The following CARHSP1 variants were observed in gnomAD, a reference collection of about 807,000 sequenced individuals.
CARHSP1 encodes the protein calcium regulated heat stable protein 1.
A neutral mutation model predicts 12.5 loss-of-function variants in CARHSP1; 14 were observed. The observed-to-expected ratio is 1.12, with a 90% CI of 0.74 to 1.75. CARHSP1 has a LOEUF of 1.75. Among genes scored for constraint, CARHSP1 ranks in the 40% most tolerant of loss-of-function variants. The pLI is 0.00. For missense variants in CARHSP1, 343 were observed against 201.6 expected (o/e 1.70, Z -4.25); for synonymous variants, 161 against 82.0 (o/e 1.96, Z -5.20).
In CARHSP1 at chr16:8,854,774, A is replaced by C. The variant is rs144436300; in HGVS notation, c.*390T>G. On this transcript the variant is annotated 3_prime_UTR_variant, in exon 4 of 4. Transcript: ENST00000311052. Reference sequence around the variant, plus strand: ...AGGCTGCCAGGGGGCCAGATCTGGGAATCTGGGGCCTCCAGCTCCAGGAGG... The same window carrying C: ...AGGCTGCCAGGGGGCCAGATCTGGGCATCTGGGGCCTCCAGCTCCAGGAGG... The C allele has an allele frequency of 5.1e-4, 82 of 162,082 alleles. No homozygotes were observed. Among genetic ancestry groups the C allele is most frequent in the African/African-American group, 1.9e-3 (79 of 41,940 alleles). 10.0% of individuals were successfully genotyped at this position (162,082 alleles called of 1,614,324 possible).
chr16:8,863,252 G>A (rs1351840969), intron 1 of CARHSP1, among the ~76,000 whole-genome samples: 1 of 150,406 alleles, frequency 6.6e-6, no homozygotes, highest in Non-Finnish European at 1.5e-5. Context: ...CTCCTGGGTT[G>A]TGGGACTACG....
At chr16:8,863,802 C>A (rs550918086) in intron 1 of CARHSP1, among the ~76,000 whole-genome samples, 1 of 152,340 alleles carries the variant, frequency 6.6e-6, no homozygotes, top group Admixed American at 6.5e-5. Context: ...GAAGCCAGCT[C>A]TGAGGCCCTG....
rs2061246754 is a variant in CARHSP1 at position 8,858,904 on chromosome 16, TG to T, written c.158+266del. On this transcript the variant is annotated intron_variant, in intron 2 of 3. Transcript: ENST00000311052. Reference sequence around the variant, plus strand: ...AGTCTCACAGGGAACCAGACTCTCATGTGTGGTTAAAGCCCAGCGATTCTGA... The same window carrying T: ...AGTCTCACAGGGAACCAGACTCTCATTGTGGTTAAAGCCCAGCGATTCTGA... 7 of 261,980 alleles carry T rather than the reference TG, an allele frequency of 2.7e-5. No individual in the cohort carries two copies. The South Asian group carries it at 4.5e-4, about 17-fold the overall frequency. The allele number at this position is 261,980 out of a possible 1,614,324, so 16.2% of individuals were successfully genotyped here. A position where few individuals can be genotyped will look rare whatever the true frequency, so the allele number is the denominator to read the frequency against.
At chr16:8,861,158 ATTTTTTTTTTTTTTTTTTTT>A (rs765114977) in intron 1 of CARHSP1, among the ~76,000 whole-genome samples, 13 of 51,268 alleles carry the variant, frequency 2.5e-4, no homozygotes, top group South Asian at 1.1e-3. Flanking sequence ...TCCATGCCTA[ATTTTTTTTTTTTTTTTTTTT>A]TTTTTTTTTT....
At chr16:8,860,280 G>C (rs1019353913) in intron 1 of CARHSP1, 1 of 982,998 alleles carries the variant, frequency 1.0e-6, no homozygotes, top group Non-Finnish European at 1.2e-6. Context: ...ATCAGGCCCA[G>C]TGAATTTCCA....
chr16:8,863,390 G>A (rs1357883239), intron 1 of CARHSP1, among the ~76,000 whole-genome samples: 1 of 152,194 alleles, frequency 6.6e-6, no homozygotes, highest in Admixed American at 6.5e-5. Flanking sequence ...TGGGATTACA[G>A]GCGTGAGCCA....
In CARHSP1 at chr16:8,857,269, T is replaced by TGTTTTTTTTG. The variant is rs756868301; in HGVS notation, c.281+1080_281+1081insCAAAAAAAAC. Among the ~76,000 whole-genome samples, 4 of 29,954 alleles carry TGTTTTTTTTG rather than the reference T, an allele frequency of 1.3e-4. 1 individual carries two copies. The highest frequency in any genetic ancestry group is 2.5e-4 in the Non-Finnish European group (4 of 15,924). The allele number at this position is 29,954 out of a possible 152,430, so 19.7% of individuals were successfully genotyped here. A position where few individuals can be genotyped will look rare whatever the true frequency, so the allele number is the denominator to read the frequency against. On this transcript the variant is annotated intron_variant, in intron 3 of 3. Transcript: ENST00000311052. ...TGTGATCTTGGGCAGATCTGTTTTT[T>TGTTTTTTTTG]TTTTTTTTTTTTTTTTTTTTTTTTT... is the stretch of plus-strand genomic sequence containing the variant.
chr16:8,861,657 G>A (rs768614629), intron 1 of CARHSP1: 53 of 1,289,108 alleles, frequency 4.1e-5, no homozygotes, highest in African/African-American at 1.8e-4. Context: ...GGAGGAGGTG[G>A]CATCCTACCT....
intron 3 of CARHSP1, among the ~76,000 whole-genome samples, chr16:8,855,681 G>C (rs546095735): frequency 6.6e-6 from 1 of 151,312 alleles, no homozygotes; most frequent in Non-Finnish European, 1.5e-5. Flanking sequence ...GAGAGCCAGA[G>C]AGAAACAAGG....
At chr16:8,861,132 C>G (rs1272593421) in intron 1 of CARHSP1, among the ~76,000 whole-genome samples, 1 of 140,272 alleles carries the variant, frequency 7.1e-6, no homozygotes, top group Non-Finnish European at 1.5e-5. Flanking sequence ...AATCACAGTT[C>G]ACTGTAGCCT....
chr16:8,856,353 ATGG>A (rs773872816), intron 3 of CARHSP1, among the ~76,000 whole-genome samples: 2 of 152,174 alleles, frequency 1.3e-5, no homozygotes, highest in Non-Finnish European at 2.9e-5. Flanking sequence ...GGAGAATCGT[ATGG>A]TGAAGAGTGT....
At chr16:8,860,317 G>A in intron 1 of CARHSP1, 2 of 985,180 alleles carry the variant, frequency 2.0e-6, no homozygotes, top group Middle Eastern at 5.2e-4. Context: ...ACGCTGTTAT[G>A]AAATCAAATT....
chr16:8,858,223 G>C (rs886128372), intron 3 of CARHSP1, 127 bp downstream of exon 3: 17 of 1,131,958 alleles, frequency 1.5e-5, no homozygotes, highest in African/African-American at 9.4e-5. Flanking sequence ...GCCACAGGCA[G>C]AGTCACACAG....
chr16:8,858,549 A>G, intron 2 of CARHSP1, 77 bp from the exon 3 acceptor site: 1 of 1,556,496 alleles, frequency 6.4e-7, no homozygotes, highest in Non-Finnish European at 8.7e-7. Flanking sequence ...CCCTGCCCAC[A>G]GCTGTGCCCC....
intron 3 of CARHSP1, 64 bp from the exon 4 acceptor site, chr16:8,855,390 C>A: frequency 7.3e-7 from 1 of 1,369,260 alleles, no homozygotes; most frequent in Non-Finnish European, 9.6e-7. Flanking sequence ...CCCCAAGACA[C>A]CAGCCACCCT....
In CARHSP1 at chr16:8,854,721, C is replaced by T. The variant is rs1256750734; in HGVS notation, c.*443G>A. On this transcript the variant is annotated 3_prime_UTR_variant, in exon 4 of 4. Transcript: ENST00000311052. ...AAGGGGCACTTAGGTGGAAATTTGC[C>T]TTGGAGAAGTCACGCAAGGTCCCTG... The T allele has an allele frequency of 6.5e-6, 1 of 154,522 alleles. No individual in the cohort carries two copies. The highest frequency in any genetic ancestry group is 1.4e-5 in the Non-Finnish European group (1 of 69,404). The allele number at this position is 154,522 out of a possible 1,614,324, so 9.6% of individuals were successfully genotyped here. A position where few individuals can be genotyped will look rare whatever the true frequency, so the allele number is the denominator to read the frequency against.
intron 3 of CARHSP1, among the ~76,000 whole-genome samples, chr16:8,857,272 T>TTTTGTTTTTTG (rs1567181151): frequency 0.023 from 674 of 29,298 alleles, 29 homozygotes; most frequent in Non-Finnish European, 0.038. Context: ...TGTTTTTTTT[T>TTTTGTTTTTTG]TTTTTTTTTT....
chr16:8,862,251 T>C lies in CARHSP1; in HGVS notation c.-7-2916A>G, dbSNP rs146044301. Among the ~76,000 whole-genome samples the C allele has an allele frequency of 4.7e-3, 712 of 152,140 alleles. 1 individual carries two copies. Among genetic ancestry groups the C allele is most frequent in the Middle Eastern group, 0.01 (3 of 294 alleles). ...TTACTTAATCTCTCTGGGCCTCAGT[T>C]TCCACATCTGGAAAATGGGAATTAT... is the stretch of plus-strand genomic sequence containing the variant. On this transcript the variant is annotated intron_variant, in intron 1 of 3. Coordinates refer to ENST00000311052, the MANE Select transcript of CARHSP1 (RefSeq NM_014316.4).
Position 8,855,100 on chromosome 16 carries a change from G to T in CARHSP1, c.*64C>A. The stretch of plus-strand genomic sequence containing the variant: ...CGTGTGGAAGAATGTCATCTCCAGT[G>T]TCTGCTGCCTCCTCCCTGCAAAGTC... On this transcript the variant is annotated 3_prime_UTR_variant, in exon 4 of 4. Transcript: ENST00000311052. 7.2e-7 allele frequency: 1 copy of T among 1,384,458 alleles called. No individual in the cohort carries two copies. The allele number at this position is 1,384,458 out of a possible 1,614,324, so 85.8% of individuals were successfully genotyped here. A position where few individuals can be genotyped will look rare whatever the true frequency, so the allele number is the denominator to read the frequency against.
Sources: allele counts gnomAD v4.1 joint callset (sites outside exome capture counted in the v4.1 genomes callset), GRCh38; gene constraint gnomAD v4.1.1; transcripts MANE v1.5; gene names NCBI Gene and HGNC (gene_info 2026-07-23, HGNC 2026-07-21).